Variants in CADM4 observed in about 807,000 individuals in gnomAD.
CADM4 encodes cell adhesion molecule 4.
Under a neutral mutation model 43.9 loss-of-function variants are expected in CADM4, and 13 were observed. That is an observed-to-expected ratio of 0.30 (90% confidence interval 0.19 to 0.47). The LOEUF (loss-of-function observed/expected upper bound fraction) is 0.47, where lower values mean the gene tolerates loss of function less well. CADM4 is among the 20% of genes least tolerant of loss of function. CADM4 has a pLI of 1.00. For synonymous variants in CADM4, 209 were observed against 220.9 expected, an observed-to-expected ratio of 0.95 and a Z score of 0.48; for missense variants, 420 against 527.0, an observed-to-expected ratio of 0.80 and a Z score of 1.99.
At chr19:43,641,354 T>A (rs915465653), upstream of CADM4, among the ~76,000 whole-genome samples, 1 of 152,172 alleles carries the variant, frequency 6.6e-6, no homozygotes, top group African/African-American at 2.4e-5. Context: ...CTGTCCTCAG[T>A]ACCCAGCTCC....
chr19:43,640,181 G>A (rs532040112), upstream of CADM4, among the ~76,000 whole-genome samples: 7 of 151,356 alleles, frequency 4.6e-5, no homozygotes, highest in Non-Finnish European at 1.0e-4. Context: ...GGGTGCTTGC[G>A]CTGCGCGGAG....
At chr19:43,635,312 C>G (rs1973685633) in intron 1 of CADM4, among the ~76,000 whole-genome samples, 1 of 151,932 alleles carries the variant, frequency 6.6e-6, no homozygotes. Context: ...TGCGTCCTGA[C>G]TGAACCCCCC....
chr19:43,636,192 G>A (rs906446778), intron 1 of CADM4, among the ~76,000 whole-genome samples: 5 of 152,224 alleles, frequency 3.3e-5, no homozygotes, highest in East Asian at 3.9e-4. Context: ...AGGTGGGGGC[G>A]TAGGGGTGAG....
upstream of CADM4, chr19:43,639,899 C>A (rs1269102777): frequency 1.2e-6 from 1 of 854,966 alleles, no homozygotes; most frequent in Non-Finnish European, 1.4e-6. Flanking sequence ...GGGGGCGGGG[C>A]GCCGAGGCCG....
chr19:43,633,862 AT>A (rs1238910872), intron 1 of CADM4, among the ~76,000 whole-genome samples: 513 of 142,192 alleles, frequency 3.6e-3, no homozygotes, highest in Middle Eastern at 0.011. Flanking sequence ...AAAAAAAAAA[AT>A]TTTTTTTTTT....
Position 43,626,888 on chromosome 19 carries a change from C to A in CADM4, c.395G>T (p.Arg132Leu). The stretch of plus-strand genomic sequence containing the variant: ...CTCGCCGCCCTCTACCGCCTGCTCC[C>A]GGACCTCCACCACAGGATTCTCTGG... ...VAPENPVVEV[R>L]EQAVEGGEVE... The change falls in exon 4 of 9, where the codon CGG (arginine) becomes CTG (leucine). Residue 132 changes from arginine (R) to leucine (L), a missense_variant. Coordinates refer to ENST00000222374, the MANE Select transcript of CADM4 (RefSeq NM_145296.2). The surrounding 1 kb of genome is among the most constrained non-coding windows in gnomAD (Gnocchi z 5.9). 1 of 1,606,852 alleles carries A rather than the reference C, an allele frequency of 6.2e-7. No individual in the cohort carries two copies. Among genetic ancestry groups the A allele is most frequent in the Non-Finnish European group, 8.5e-7 (1 of 1,177,836 alleles).
chr19:43,631,049 A>T (rs1467535896), intron 1 of CADM4, among the ~76,000 whole-genome samples: 1 of 152,146 alleles, frequency 6.6e-6, no homozygotes, highest in Non-Finnish European at 1.5e-5. Flanking sequence ...ACGGTAATCA[A>T]AAGTGTTATG....
chr19:43,639,873 C>G (rs1331247557), upstream of CADM4: 3 of 970,646 alleles, frequency 3.1e-6, no homozygotes, highest in African/African-American at 5.3e-5. Flanking sequence ...CCCCGCGCCC[C>G]GCCCCCTGCC....
rs1371459361 is a variant in CADM4, at chr19:43,626,116, T to C, written c.664+8A>G. 1 of 1,613,484 alleles carries C rather than the reference T, an allele frequency of 6.2e-7. No homozygotes were observed. The highest frequency in any genetic ancestry group is 1.7e-5 in the Admixed American group (1 of 59,936). Reference sequence around the variant, plus strand: ...GATCCCTTGGGTCCTGGCCCGCCGGTCACTTACACTGCACATCCAGCACGT... The same window carrying C: ...GATCCCTTGGGTCCTGGCCCGCCGGCCACTTACACTGCACATCCAGCACGT... On this transcript the variant is annotated splice_region_variant and intron_variant, in intron 5 of 8. Transcript: ENST00000222374. This position sits in a 1 kb window ranked among gnomAD's most constrained non-coding sequence, Gnocchi z 5.9.
chr19:43,636,860 C>G (rs1348897043), intron 1 of CADM4, among the ~76,000 whole-genome samples: 1 of 152,164 alleles, frequency 6.6e-6, no homozygotes, highest in Middle Eastern at 3.4e-3. Flanking sequence ...GGGAGGGTCC[C>G]CCTATTCTCA....
In CADM4 at chr19:43,622,981, C is replaced by T. The variant is rs1433956885; in HGVS notation, c.*349G>A. 1.4e-5 allele frequency: 2 copies of T among 145,054 alleles called. No individual in the cohort carries two copies. The highest frequency in any genetic ancestry group is 1.5e-5 in the Non-Finnish European group (1 of 66,372). 9.0% of individuals were successfully genotyped at this position (145,054 alleles called of 1,614,324 possible). A position where few individuals can be genotyped will look rare whatever the true frequency, so the allele number is the denominator to read the frequency against. On this transcript the variant is annotated 3_prime_UTR_variant, in exon 9 of 9. Transcript: ENST00000222374. ...CCTTCCCTGCCCCCCCCACCCTTCC[C>T]AGAAACTGACCCCCTCCCCACAAGA...
Position 43,625,275 on chromosome 19 carries a change from G to C in CADM4, c.756-25C>G, listed in dbSNP as rs369291257. On this transcript the variant is annotated intron_variant, in intron 6 of 8. Transcript: ENST00000222374. This position sits in a 1 kb window ranked among gnomAD's most constrained non-coding sequence, Gnocchi z 4.5. ...CCTGGGTGGGGATAAAGTATAGTGA[G>C]AGTTAGGAACCGAGGTGCCAGCACC... 4.9e-5 allele frequency: 78 copies of C among 1,598,738 alleles called. No individual in the cohort carries two copies. The highest frequency in any genetic ancestry group is 6.6e-5 in the Non-Finnish European group (77 of 1,170,306).
chr19:43,624,005 T>C, intron 8 of CADM4, 109 bp downstream of exon 8: 1 of 1,400,532 alleles, frequency 7.1e-7, no homozygotes, highest in South Asian at 1.3e-5. Flanking sequence ...CGGCGGGATT[T>C]GGAATCCAGA....
intron 1 of CADM4, among the ~76,000 whole-genome samples, chr19:43,633,280 C>G (rs1047573534): frequency 4.6e-5 from 7 of 152,168 alleles, no homozygotes; most frequent in African/African-American, 1.7e-4. Context: ...CTCCATGTTG[C>G]CCAGGCTGGT....
intron 1 of CADM4, among the ~76,000 whole-genome samples, chr19:43,633,084 A>AT (rs1294579494): frequency 1.6e-4 from 24 of 151,420 alleles, no homozygotes; most frequent in Admixed American, 1.5e-3. Context: ...AAAAAAAAAA[A>AT]AAAAAAAGAG....
chr19:43,638,261 G>A (rs954826920), intron 1 of CADM4, among the ~76,000 whole-genome samples: 8 of 152,166 alleles, frequency 5.3e-5, no homozygotes, highest in African/African-American at 7.2e-5. Flanking sequence ...ACCCCTTCAC[G>A]GTCTGAGCTG....
At position 43,629,196 on chromosome 19, in the gene CADM4, C is replaced by T. The variant is rs534613095; in HGVS notation, c.65-1406G>A. ...CTCATAATCCTTCACACTGGCTGAACAGAGAGGACTCCAAGGAGCCTAGAG... is the reference window on the plus strand; with the variant it reads ...CTCATAATCCTTCACACTGGCTGAATAGAGAGGACTCCAAGGAGCCTAGAG... On this transcript the variant is annotated intron_variant, in intron 1 of 8. Transcript: ENST00000222374. Among the ~76,000 whole-genome samples, 178 of 152,284 alleles carry T rather than the reference C, an allele frequency of 1.2e-3. 1 individual carries two copies. Among genetic ancestry groups the T allele is most frequent in the African/African-American group, 4.2e-3 (175 of 41,568 alleles).
At chr19:43,635,220 ACCC>A (rs1973684398) in intron 1 of CADM4, among the ~76,000 whole-genome samples, 1 of 151,390 alleles carries the variant, frequency 6.6e-6, no homozygotes, top group African/African-American at 2.4e-5. Flanking sequence ...GGTCACCACC[ACCC>A]CCTCTGTATC....
At position 43,626,893 on chromosome 19, in the gene CADM4, C is replaced by A; in HGVS notation, c.390G>T (p.Glu130Asp). The A allele has an allele frequency of 6.2e-7, 1 of 1,606,234 alleles. No homozygotes were observed. Residue 130 changes from glutamate (E) to aspartate (D), a missense_variant, in exon 4 of 9, where the codon GAG (glutamate) becomes GAT (aspartate). Transcript: ENST00000222374. The surrounding 1 kb of genome is among the most constrained non-coding windows in gnomAD (Gnocchi z 5.9). ...VLVAPENPVV[E>D]VREQAVEGGE... ...CGCCCTCTACCGCCTGCTCCCGGAC[C>A]TCCACCACAGGATTCTCTGGGGCCA... is the stretch of plus-strand genomic sequence containing the variant.
Sources: gnomAD v4.1 joint callset for allele counts (sites outside exome capture counted in the v4.1 genomes callset) on GRCh38, gnomAD v4.1.1 for gene constraint, Gnocchi (gnomAD v3.1) non-coding constraint, MANE v1.5 for transcripts, NCBI Gene and HGNC (gene_info 2026-07-23, HGNC 2026-07-21) for gene names.